Variants in MAGI2 observed in about 807,000 individuals in gnomAD.
MAGI2 encodes the protein membrane-associated guanylate kinase, WW and PDZ domain-containing protein 2.
Under a neutral mutation model 133.3 loss-of-function variants are expected in MAGI2, and 35 were observed. The observed-to-expected ratio is 0.26, with a 90% CI of 0.20 to 0.35. The LOEUF is 0.35. Ranked by LOEUF, MAGI2 falls within the 10% of genes least tolerant of loss-of-function variation. MAGI2 has a pLI of 1.00. For missense variants in MAGI2, 1,636 were observed against 1,863.4 expected, an observed-to-expected ratio of 0.88 and a Z score of 2.25; for synonymous variants, 729 against 710.6, an observed-to-expected ratio of 1.03 and a Z score of -0.41.
At chr7:79,364,885 A>C (rs1842597971) in intron 1 of MAGI2, among the ~76,000 whole-genome samples, 2 of 149,806 alleles carry the variant, frequency 1.3e-5, no homozygotes, top group South Asian at 4.2e-4. Context: ...TTCATAAAAA[A>C]ATTAATTAGA....
rs184126890 is a variant in MAGI2 at position 78,976,463 on chromosome 7, A to C, written c.418+30627T>G. ...ACATCCACAAAAAATAAATAAGTAA[A>C]TAAATAAATAAATAAATAAATCACC... On this transcript the variant is annotated intron_variant, in intron 2 of 21. Coordinates refer to ENST00000354212, the MANE Select transcript of MAGI2 (RefSeq NM_012301.4). Among the ~76,000 whole-genome samples, 723 of 151,358 alleles carry C rather than the reference A, an allele frequency of 4.8e-3. 8 individuals are homozygous for C. The highest frequency in any genetic ancestry group is 6.6e-3 in the Non-Finnish European group (444 of 67,570).
At chr7:78,367,831 T>C (rs1793535561) in intron 7 of MAGI2, among the ~76,000 whole-genome samples, 1 of 152,214 alleles carries the variant, frequency 6.6e-6, no homozygotes, top group Non-Finnish European at 1.5e-5. Context: ...GGACCGTAAC[T>C]ATGTTATTTA....
chr7:78,126,104 C>T (rs1036190439), intron 19 of MAGI2, among the ~76,000 whole-genome samples: 27 of 152,086 alleles, frequency 1.8e-4, no homozygotes, highest in African/African-American at 5.8e-4. Flanking sequence ...ACTTGGCAAA[C>T]GTGGAATGAT....
intron 1 of MAGI2, among the ~76,000 whole-genome samples, chr7:79,226,075 G>GT (rs1830828829): frequency 6.6e-6 from 1 of 152,124 alleles, no homozygotes; most frequent in Admixed American, 6.5e-5. Context: ...CTGAAATGAT[G>GT]TTTTTCAATC....
At chr7:78,910,328 A>C (rs1798316309) in intron 2 of MAGI2, among the ~76,000 whole-genome samples, 1 of 151,258 alleles carries the variant, frequency 6.6e-6, no homozygotes, top group Non-Finnish European at 1.5e-5. Context: ...CTTTGGAATT[A>C]ATAAAGTGAA....
rs539601657 is a variant in MAGI2 at position 79,204,350 on chromosome 7, G to A, written c.302-197144C>T. ...TCAGGACAGCTCTCAACAGCAGGCCGGCCTCAGTGGGCCTGGGCTTCTGGC... is the reference window on the plus strand; with the variant it reads ...TCAGGACAGCTCTCAACAGCAGGCCAGCCTCAGTGGGCCTGGGCTTCTGGC... On this transcript the variant is annotated intron_variant, in intron 1 of 21. Coordinates refer to ENST00000354212, the MANE Select transcript of MAGI2 (RefSeq NM_012301.4). Among the ~76,000 whole-genome samples, 4 of 152,132 alleles carry A rather than the reference G, an allele frequency of 2.6e-5. No homozygotes were observed. In the South Asian group the frequency reaches 8.3e-4, roughly 32 times the overall value.
intron 12 of MAGI2, among the ~76,000 whole-genome samples, chr7:78,190,609 A>G (rs902598370): frequency 1.3e-5 from 2 of 152,176 alleles, no homozygotes; most frequent in Admixed American, 1.3e-4. Context: ...TAGACCAGTA[A>G]TAGAAGATTT....
chr7:78,580,420 A>G (rs76769745), intron 3 of MAGI2, among the ~76,000 whole-genome samples: 2,041 of 152,314 alleles, frequency 0.013, 40 homozygotes, highest in African/African-American at 0.046. Context: ...TCCATGTAGA[A>G]CAACTCACAA....
At chr7:78,540,620 T>C (rs1012115778) in intron 3 of MAGI2, among the ~76,000 whole-genome samples, 1 of 152,008 alleles carries the variant, frequency 6.6e-6, no homozygotes, top group Non-Finnish European at 1.5e-5. Context: ...CCAGGAAAAT[T>C]TGTGCTTGAT....
chr7:78,599,444 T>TTCC (rs1804953822), intron 3 of MAGI2, among the ~76,000 whole-genome samples: 1 of 152,178 alleles, frequency 6.6e-6, no homozygotes, highest in African/African-American at 2.4e-5. Flanking sequence ...TTATCTGTTC[T>TTCC]TCCTTCAGTC....
intron 2 of MAGI2, among the ~76,000 whole-genome samples, chr7:78,677,092 C>T (rs1366864893): frequency 6.6e-6 from 1 of 151,720 alleles, no homozygotes; most frequent in Non-Finnish European, 1.5e-5. Flanking sequence ...ATTTTCATAC[C>T]TTCTTTAAAA....
chr7:79,413,220 G>C (rs1846258955), intron 1 of MAGI2: 1 of 152,088 alleles, frequency 6.6e-6, no homozygotes, highest in Non-Finnish European at 1.5e-5. Flanking sequence ...TTATATTGCA[G>C]CTTTGATCTT....
intron 7 of MAGI2, among the ~76,000 whole-genome samples, chr7:78,363,514 A>AATAATAATAATAATAATGATG (rs1267272445): frequency 5.9e-5 from 2 of 33,622 alleles, no homozygotes; most frequent in African/African-American, 2.0e-4. Context: ...TAATAATGAT[A>AATAATAATAATAATAATGATG]ATAATAATAA....
chr7:78,254,624 G>T (rs1792773556), intron 10 of MAGI2: 1 of 152,160 alleles, frequency 6.6e-6, no homozygotes, highest in Non-Finnish European at 1.5e-5. Context: ...GGTGTTTGCT[G>T]TCCGTTTCCA....
rs1220404345 is a variant in MAGI2, at chr7:78,127,750, A to G, written c.3204-334T>C. On this transcript the variant is annotated intron_variant, in intron 18 of 21. Coordinates refer to ENST00000354212, the MANE Select transcript of MAGI2 (RefSeq NM_012301.4). Reference sequence around the variant, plus strand: ...CCACAGCAAATCAAGGGATTGAAGCACTGAACTATACAAACCAAGACATCA... The same window carrying G: ...CCACAGCAAATCAAGGGATTGAAGCGCTGAACTATACAAACCAAGACATCA... Among the ~76,000 whole-genome samples the G allele has an allele frequency of 2.0e-5, 3 of 152,292 alleles. No homozygotes were observed. The East Asian group carries it at 5.8e-4, about 29-fold the overall frequency.
At chr7:78,551,985 C>T (rs1799371443) in intron 3 of MAGI2, among the ~76,000 whole-genome samples, 1 of 152,160 alleles carries the variant, frequency 6.6e-6, no homozygotes, top group Admixed American at 6.5e-5. Context: ...GCTCAAGCAA[C>T]TTGCCTGCTT....
chr7:78,951,669 A>G (rs1382543587), intron 2 of MAGI2, among the ~76,000 whole-genome samples: 2 of 152,190 alleles, frequency 1.3e-5, no homozygotes, highest in African/African-American at 4.8e-5. Flanking sequence ...AACTTAGTTT[A>G]AACTCAAATG....
intron 1 of MAGI2, among the ~76,000 whole-genome samples, chr7:79,399,090 C>CTT (rs1337058211): frequency 3.9e-5 from 4 of 101,440 alleles, no homozygotes; most frequent in African/African-American, 2.0e-4. Flanking sequence ...TTTTTTTTTT[C>CTT]TTTTCTTTTT....
intron 3 of MAGI2, among the ~76,000 whole-genome samples, chr7:78,605,401 T>C (rs1037611728): frequency 1.3e-5 from 2 of 152,140 alleles, no homozygotes; most frequent in African/African-American, 4.8e-5. Context: ...AATGACCTCT[T>C]AAAGAGAAAT....
Sources: gnomAD v4.1 joint callset for allele counts (sites outside exome capture counted in the v4.1 genomes callset) on GRCh38, gnomAD v4.1.1 for gene constraint, MANE v1.5 for transcripts, NCBI Gene and HGNC (gene_info 2026-07-23, HGNC 2026-07-21) for gene names.